Variants in TNS3 observed in about 807,000 individuals in gnomAD.
TNS3 encodes the protein tensin-3.
Under a neutral mutation model 140.9 loss-of-function variants are expected in TNS3, and 45 were observed. The observed-to-expected ratio is 0.32, with a 90% CI of 0.25 to 0.41. The LOEUF is 0.41. Among genes scored for constraint, TNS3 ranks in the 10% least tolerant of loss-of-function variants. TNS3 has a pLI of 1.00. For missense variants in TNS3, 1,716 were observed against 1,906.7 expected (o/e 0.90, Z 1.86); for synonymous variants, 815 against 788.4 (o/e 1.03, Z -0.56).
In TNS3 at chr7:47,291,989, G is replaced by C; in HGVS notation, c.3894C>G (p.Ala1298=). 6.2e-7 allele frequency: 1 copy of C among 1,614,110 alleles called. No homozygotes were observed. Among genetic ancestry groups the C allele is most frequent in the Non-Finnish European group, 8.5e-7 (1 of 1,180,002 alleles). Residue 1298 remains alanine (A), a synonymous_variant, in exon 27 of 31, where the codon GCC becomes GCG. Transcript: ENST00000311160. The part of the protein sequence containing the change: ...EIAESSPQTA[A]NSAAELLKQG... ...GCTTCAACAGCTCAGCTGCTGAATT[G>C]GCTGCCGTCTGGGGAGAACTTTCTG...
At chr7:47,338,767 G>C (rs2462641) in intron 20 of TNS3, among the ~76,000 whole-genome samples, 1 of 152,200 alleles carries the variant, frequency 6.6e-6, no homozygotes, top group African/African-American at 2.4e-5. Context: ...GTTGAGTCCA[G>C]GTCTTTGCTA....
At chr7:47,449,891 C>T (rs1363606943) in intron 4 of TNS3, among the ~76,000 whole-genome samples, 1 of 152,240 alleles carries the variant, frequency 6.6e-6, no homozygotes, top group African/African-American at 2.4e-5. Context: ...CAGGCGTGAG[C>T]CACCACGCCC....
chr7:47,410,595 A>G (rs976293715), intron 13 of TNS3, among the ~76,000 whole-genome samples: 6 of 152,202 alleles, frequency 3.9e-5, no homozygotes, highest in Admixed American at 3.9e-4. Flanking sequence ...TGATTTTTGT[A>G]AGAATTCAGG....
At chr7:47,454,010 T>C (rs1796139970) in intron 4 of TNS3, among the ~76,000 whole-genome samples, 1 of 152,266 alleles carries the variant, frequency 6.6e-6, no homozygotes, top group Non-Finnish European at 1.5e-5. Flanking sequence ...ACTTACATTC[T>C]TTTATTTTTA....
intron 1 of TNS3, among the ~76,000 whole-genome samples, chr7:47,571,087 G>C (rs1800543980): frequency 6.6e-6 from 1 of 152,178 alleles, no homozygotes; most frequent in Non-Finnish European, 1.5e-5. Flanking sequence ...GTCTTGGGGG[G>C]CCCAACGTGG....
chr7:47,315,643 G>A lies in TNS3; in HGVS notation c.2651-10640C>T, dbSNP rs145459262. On this transcript the variant is annotated intron_variant, in intron 20 of 30. Coordinates refer to ENST00000311160, the MANE Select transcript of TNS3 (RefSeq NM_022748.12). ...GGGGCTCAGGCAGGGCCACTGGCTC[G>A]CTCTTCGGAAGCCTTAGAGCCTGGC... Among the ~76,000 whole-genome samples, 27 of 152,312 alleles carry A rather than the reference G, an allele frequency of 1.8e-4. No individual in the cohort carries two copies. In the East Asian group the frequency reaches 4.8e-3, roughly 27 times the overall value.
chr7:47,427,362 G>T (rs1197954337), intron 9 of TNS3, among the ~76,000 whole-genome samples: 2 of 152,124 alleles, frequency 1.3e-5, no homozygotes, highest in Non-Finnish European at 2.9e-5. Flanking sequence ...TTGGTTTCCA[G>T]AGAAAACATT....
At position 47,424,102 on chromosome 7, in the gene TNS3, G is replaced by A. The variant is rs375207469; in HGVS notation, c.472C>T (p.Arg158Trp). ...CTGGCTTTGGGGATCTATACATACC[G>A]TTTTTGGGAAGGCTGCATTAAAGCT... is the stretch of plus-strand genomic sequence containing the variant. ...VSALMQPSQK[R>W]YVQFLSGLLS... Residue 158 changes from arginine (R) to tryptophan (W), a missense_variant and splice_region_variant, in exon 10 of 31, where the codon CGG becomes TGG. Coordinates refer to ENST00000311160, the MANE Select transcript of TNS3 (RefSeq NM_022748.12). The A allele has an allele frequency of 2.5e-5, 40 of 1,613,934 alleles. No individual in the cohort carries two copies. The highest frequency in any genetic ancestry group is 1.3e-4 in the African/African-American group (10 of 74,892).
chr7:47,400,412 G>C lies in TNS3; in HGVS notation c.900C>G (p.Ala300=). 1 of 1,614,128 alleles carries C rather than the reference G, an allele frequency of 6.2e-7. No homozygotes were observed. Among genetic ancestry groups the C allele is most frequent in the African/African-American group, 1.3e-5 (1 of 75,050 alleles). ...DYGKVELVFS[A]TPEKIQGSEH... ...ACCCACCTTGAATCTTCTCAGGCGT[G>C]GCAGAGAAGACTAATTCAACCTTCC... Residue 300 remains alanine (A), a synonymous_variant, in exon 15 of 31, where the codon GCC becomes GCG. Transcript: ENST00000311160.
At position 47,470,931 on chromosome 7, in the gene TNS3, C is replaced by T. The variant is rs186202082; in HGVS notation, c.-76+10172G>A. Among the ~76,000 whole-genome samples the T allele has an allele frequency of 2.0e-3, 310 of 151,362 alleles. 2 individuals carry two copies. Among genetic ancestry groups the T allele is most frequent in the African/African-American group, 6.8e-3 (281 of 41,398 alleles). On this transcript the variant is annotated intron_variant, in intron 4 of 30. Coordinates refer to ENST00000311160, the MANE Select transcript of TNS3 (RefSeq NM_022748.12). Reference sequence around the variant, plus strand: ...CCTGCTTGTGTGAGGCTCACATTGACGGGTGTGTTTTGTTTTTTGTTTTTT... The same window carrying T: ...CCTGCTTGTGTGAGGCTCACATTGATGGGTGTGTTTTGTTTTTTGTTTTTT...
At chr7:47,469,718 A>T (rs1213155509) in intron 4 of TNS3, among the ~76,000 whole-genome samples, 1 of 152,190 alleles carries the variant, frequency 6.6e-6, no homozygotes, top group Non-Finnish European at 1.5e-5. Flanking sequence ...TCACGCCTGT[A>T]ATCCCAGCAC....
intron 5 of TNS3, among the ~76,000 whole-genome samples, chr7:47,440,577 A>C (rs77508147): frequency 0.055 from 8,326 of 152,220 alleles, 594 homozygotes; most frequent in African/African-American, 0.16. Flanking sequence ...TCAGGCACCC[A>C]ATGTGACTGG....
At chr7:47,374,898 C>A (rs1791288075) in intron 16 of TNS3, among the ~76,000 whole-genome samples, 1 of 152,094 alleles carries the variant, frequency 6.6e-6, no homozygotes, top group African/African-American at 2.4e-5. Context: ...TGAGGAGCCC[C>A]CACCAGATGA....
At chr7:47,421,272 TG>T (rs770739696) in intron 10 of TNS3, among the ~76,000 whole-genome samples, 15 of 152,160 alleles carry the variant, frequency 9.9e-5, no homozygotes, top group Non-Finnish European at 1.8e-4. Flanking sequence ...CCCGGATTTT[TG>T]GGGCGTTAGG....
intron 20 of TNS3, among the ~76,000 whole-genome samples, chr7:47,343,014 G>T (rs1789106810): frequency 6.6e-6 from 1 of 152,198 alleles, no homozygotes; most frequent in Non-Finnish European, 1.5e-5. Context: ...AATCTAGAAG[G>T]CTCACATTAA....
At position 47,296,169 on chromosome 7, in the gene TNS3, GA is replaced by G. The variant is rs958533092; in HGVS notation, c.3676+912del. On this transcript the variant is annotated intron_variant, in intron 24 of 30. Transcript: ENST00000311160. ...TAATGGGGCAAAAAGGGCAGGGGGAGAAAAAAAAAAGAAAACTGAAAATCAA... is the reference window on the plus strand; with the variant it reads ...TAATGGGGCAAAAAGGGCAGGGGGAGAAAAAAAAAGAAAACTGAAAATCAA... Among the ~76,000 whole-genome samples, 1,074 of 147,282 alleles carry G rather than the reference GA, an allele frequency of 7.3e-3. 8 individuals carry two copies. Among genetic ancestry groups the G allele is most frequent in the African/African-American group, 0.025 (1,021 of 40,174 alleles).
intron 21 of TNS3, among the ~76,000 whole-genome samples, chr7:47,304,317 CAG>C (rs1406054862): frequency 6.6e-6 from 1 of 152,226 alleles, no homozygotes; most frequent in Non-Finnish European, 1.5e-5. Flanking sequence ...TTCATGGGTA[CAG>C]AGTCTATGCG....
intron 17 of TNS3, among the ~76,000 whole-genome samples, chr7:47,361,215 A>AAAAAAAAAAAAAAAAAAAAAAAAAAC (rs1301840027): frequency 6.8e-6 from 1 of 146,576 alleles, no homozygotes; most frequent in Non-Finnish European, 1.5e-5. Context: ...CCAAAAAAAA[A>AAAAAAAAAAAAAAAAAAAAAAAAAAC]AAAAAAAAAC....
chr7:47,475,417 C>G (rs539852811), intron 4 of TNS3, among the ~76,000 whole-genome samples: 46 of 152,352 alleles, frequency 3.0e-4, no homozygotes, highest in African/African-American at 6.2e-4. Context: ...GGGACCTGCC[C>G]GGAGCTGGAT....
Sources: allele counts gnomAD v4.1 joint callset (sites outside exome capture counted in the v4.1 genomes callset), GRCh38; gene constraint gnomAD v4.1.1; transcripts MANE v1.5; gene names NCBI Gene and HGNC (gene_info 2026-07-23, HGNC 2026-07-21).